IGF1: variants seen among roughly 807,000 people sequenced by gnomAD.
IGF1 encodes insulin-like growth factor 1.
IGF1 carries 4 observed loss-of-function variants against 13.8 expected under a neutral mutation model. The observed-to-expected ratio is 0.29, with a 90% CI of 0.14 to 0.66. IGF1 has a LOEUF of 0.66. IGF1 is among the 30% of genes least tolerant of loss of function. The probability of loss-of-function intolerance (pLI) is 0.78; values close to 1 mark genes in which losing one functional copy is unlikely to be tolerated. For missense variants in IGF1, 124 were observed against 188.5 expected (o/e 0.66, Z 2.00); for synonymous variants, 76 against 72.6 (o/e 1.05, Z -0.23).
At chr12:102,463,844 C>T (rs1190379962) in intron 2 of IGF1, among the ~76,000 whole-genome samples, 1 of 152,220 alleles carries the variant, frequency 6.6e-6, no homozygotes, top group Non-Finnish European at 1.5e-5. Flanking sequence ...GGCTTTCCGA[C>T]CAGTAGCTCC....
At chr12:102,443,825 T>C (rs981547545) in intron 2 of IGF1, among the ~76,000 whole-genome samples, 3 of 151,962 alleles carry the variant, frequency 2.0e-5, no homozygotes, top group African/African-American at 7.3e-5. Context: ...TTTTTATTTA[T>C]TTATTTATTT....
intron 2 of IGF1, among the ~76,000 whole-genome samples, chr12:102,457,561 G>A (rs919676675): frequency 1.3e-5 from 2 of 152,110 alleles, no homozygotes; most frequent in African/African-American, 4.8e-5. Flanking sequence ...CCTAGCCAAG[G>A]ACCCAGGCAG....
At chr12:102,469,337 T>C (rs1213876004) in intron 2 of IGF1, among the ~76,000 whole-genome samples, 3 of 152,160 alleles carry the variant, frequency 2.0e-5, no homozygotes, top group Admixed American at 6.5e-5. Context: ...TTGCAAGTAA[T>C]GAAGCACTTG....
chr12:102,407,446 C>T (rs1235185542), intron 3 of IGF1, among the ~76,000 whole-genome samples: 1 of 152,190 alleles, frequency 6.6e-6, no homozygotes, highest in Non-Finnish European at 1.5e-5. Context: ...CTATACTTCT[C>T]TCAGGGATAA....
At chr12:102,415,292 CCA>C (rs1874992648) in intron 3 of IGF1, among the ~76,000 whole-genome samples, 6 of 151,924 alleles carry the variant, frequency 3.9e-5, no homozygotes, top group Non-Finnish European at 8.8e-5. Context: ...ATCCATCCAT[CCA>C]TCCATCCATC....
intron 1 of IGF1, 47 bp from the exon 2 acceptor site, chr12:102,475,846 C>T: frequency 1.3e-6 from 2 of 1,573,100 alleles, no homozygotes; most frequent in East Asian, 4.7e-5. Context: ...TTGATCCTTG[C>T]AAGGGGAGTG....
chr12:102,465,935 TCAAATAAATAAA>T (rs1218360457), intron 2 of IGF1, among the ~76,000 whole-genome samples: 1 of 110,042 alleles, frequency 9.1e-6, no homozygotes, highest in Non-Finnish European at 1.8e-5. Flanking sequence ...AGACTCTGTT[TCAAATAAATAAA>T]TAAATAAATA....
chr12:102,430,433 TGAC>T (rs1876635807), intron 2 of IGF1, among the ~76,000 whole-genome samples: 1 of 152,158 alleles, frequency 6.6e-6, no homozygotes, highest in South Asian at 2.1e-4. Context: ...ACCTTTAGGC[TGAC>T]GAATGAAATG....
At chr12:102,448,692 A>C (rs1485471397) in intron 2 of IGF1, among the ~76,000 whole-genome samples, 29 of 5,262 alleles carry the variant, frequency 5.5e-3, no homozygotes, top group Non-Finnish European at 0.021. Context: ...AGTATAATAA[A>C]AAAAAAAAAA....
At chr12:102,452,688 G>C (rs1429667345) in intron 2 of IGF1, among the ~76,000 whole-genome samples, 2 of 152,158 alleles carry the variant, frequency 1.3e-5, no homozygotes, top group African/African-American at 4.8e-5. Flanking sequence ...GAAGACATTG[G>C]AAGTGTACTT....
chr12:102,446,984 C>T (rs1481783489), intron 2 of IGF1, among the ~76,000 whole-genome samples: 2 of 151,884 alleles, frequency 1.3e-5, no homozygotes, highest in Admixed American at 1.3e-4. Context: ...TGTTATTTAC[C>T]CAGTATTCAT....
chr12:102,427,849 GGGA>G (rs1876347727), intron 2 of IGF1, among the ~76,000 whole-genome samples: 1 of 152,152 alleles, frequency 6.6e-6, no homozygotes, highest in South Asian at 2.1e-4. Context: ...GAGGGCGAGT[GGGA>G]GGAGATGGTT....
At position 102,480,419 on chromosome 12, in the gene IGF1, G is replaced by A; in HGVS notation, c.-38C>T. Reference sequence around the variant, plus strand: ...ACAAAGTCTGAAAATGAATTGGTTAGCAGGAATAATGAAGCAAAAAGAAAT... The same window carrying A: ...ACAAAGTCTGAAAATGAATTGGTTAACAGGAATAATGAAGCAAAAAGAAAT... On this transcript the variant is annotated 5_prime_UTR_variant, in exon 1 of 4. Transcript: ENST00000337514. The A allele has an allele frequency of 6.2e-7, 1 of 1,612,702 alleles. No individual in the cohort carries two copies. The highest frequency in any genetic ancestry group is 1.1e-5 in the South Asian group (1 of 91,048).
intron 2 of IGF1, among the ~76,000 whole-genome samples, chr12:102,470,577 G>A (rs1353955007): frequency 6.6e-6 from 1 of 152,070 alleles, no homozygotes; most frequent in Non-Finnish European, 1.5e-5. Context: ...GGGTCATAAG[G>A]TCAAACCCCA....
chr12:102,398,692 T>A lies in IGF1; in HGVS notation c.*3815A>T, dbSNP rs1377381269. ...TGAGTGATAAAAAGTTGAAAGGTGG[T>A]GGTGGCTAGATAGACCTAATGCTAT... On this transcript the variant is annotated 3_prime_UTR_variant, in exon 4 of 4. Transcript: ENST00000337514. 1 of 152,174 alleles carries A rather than the reference T, an allele frequency of 6.6e-6. No homozygotes were observed. Among genetic ancestry groups the A allele is most frequent in the African/African-American group, 2.4e-5 (1 of 41,420 alleles). The allele number at this position is 152,174 out of a possible 1,614,324, so 9.4% of individuals were successfully genotyped here. A position where few individuals can be genotyped will look rare whatever the true frequency, so the allele number is the denominator to read the frequency against.
At chr12:102,429,741 C>T (rs5742666) in intron 2 of IGF1, among the ~76,000 whole-genome samples, 116,064 of 152,094 alleles carry the variant, frequency 0.76, 44,357 homozygotes, top group Admixed American at 0.83. Flanking sequence ...GAAATCATAC[C>T]CTTTCTTATT....
chr12:102,423,955 T>C (rs1251281546), intron 2 of IGF1, among the ~76,000 whole-genome samples: 1 of 152,194 alleles, frequency 6.6e-6, no homozygotes, highest in Non-Finnish European at 1.5e-5. Flanking sequence ...GTGTTTCTTA[T>C]AGATTTCTGG....
chr12:102,419,962 A>T (rs149154597), intron 2 of IGF1, among the ~76,000 whole-genome samples: 33 of 152,286 alleles, frequency 2.2e-4, no homozygotes, highest in African/African-American at 7.7e-4. Flanking sequence ...GTAGGCAAGG[A>T]TCTTGTCTAT....
At chr12:102,455,706 C>A (rs1330870260) in intron 2 of IGF1, among the ~76,000 whole-genome samples, 2 of 152,178 alleles carry the variant, frequency 1.3e-5, no homozygotes, top group Admixed American at 1.3e-4. Flanking sequence ...AATTCCCCAT[C>A]CTGTCATCCT....
Sources: gnomAD v4.1 joint callset for allele counts (sites outside exome capture counted in the v4.1 genomes callset) on GRCh38, gnomAD v4.1.1 for gene constraint, MANE v1.5 for transcripts, NCBI Gene and HGNC (gene_info 2026-07-23, HGNC 2026-07-21) for gene names.